IFNG: variants seen among roughly 807,000 people sequenced by gnomAD.
The protein encoded by IFNG is IFN-gamma.
A neutral mutation model predicts 14.4 loss-of-function variants in IFNG; 8 were observed. The ratio of observed to expected loss-of-function variants is 0.56; its 90% CI spans 0.33 to 1.00. The LOEUF (loss-of-function observed/expected upper bound fraction) is 1.00, where lower values mean the gene tolerates loss of function less well. IFNG is among the 50% of genes least tolerant of loss of function. The pLI, the probability that IFNG is intolerant of heterozygous loss-of-function variation, is 0.03. For missense variants in IFNG, 132 were observed against 194.9 expected, an observed-to-expected ratio of 0.68 and a Z score of 1.92; for synonymous variants, 73 against 65.4, an observed-to-expected ratio of 1.12 and a Z score of -0.56.
Position 68,157,553 on chromosome 12 carries a change from C to G in IFNG, c.366+360G>C, listed in dbSNP as rs121913166. Among the ~76,000 whole-genome samples, 39 of 152,334 alleles carry G rather than the reference C, an allele frequency of 2.6e-4. No individual in the cohort carries two copies. Among genetic ancestry groups the G allele is most frequent in the African/African-American group, 8.9e-4 (37 of 41,584 alleles). On this transcript the variant is annotated intron_variant, in intron 3 of 3. Transcript: ENST00000229135. ...CCACTGCTCTTTCCATTAAGACAGA[C>G]AGCCTCTCATTCAAAGTAAGAGAAT...
chr12:68,156,795 A>G (rs1319860820), intron 3 of IFNG, among the ~76,000 whole-genome samples: 1 of 152,208 alleles, frequency 6.6e-6, no homozygotes, highest in Non-Finnish European at 1.5e-5. Flanking sequence ...CCACTGGATT[A>G]GAAACAAGTG....
chr12:68,158,273 AAG>A lies in IFNG; in HGVS notation c.115-16_115-15del, dbSNP rs2120747148. The A allele has an allele frequency of 3.3e-6, 5 of 1,524,306 alleles. No homozygotes were observed. Among genetic ancestry groups the A allele is most frequent in the Non-Finnish European group, 4.5e-6 (5 of 1,122,234 alleles). 94.4% of individuals were successfully genotyped at this position (1,524,306 alleles called of 1,614,324 possible). On this transcript the variant is annotated splice_polypyrimidine_tract_variant and intron_variant, in intron 1 of 3. Transcript: ENST00000229135. The stretch of plus-strand genomic sequence containing the variant: ...ATGACCTGCATTCTAAAAAAAAAAA[AAG>A]AAAAAATTGGTTTACAATTAGCCCA...
intron 1 of IFNG, among the ~76,000 whole-genome samples, chr12:68,159,002 T>C (rs1334256855): frequency 1.3e-5 from 2 of 152,160 alleles, no homozygotes; most frequent in African/African-American, 4.8e-5. Context: ...GTAATATAGA[T>C]AGAGAAGCAG....
At chr12:68,158,338 C>T (rs1882633969) in intron 1 of IFNG, 79 bp from the exon 2 acceptor site, 1 of 933,898 alleles carries the variant, frequency 1.1e-6, no homozygotes, top group Admixed American at 2.5e-5. Context: ...TTTCATTGAA[C>T]TCAGATGTGA....
intron 3 of IFNG, 56 bp downstream of exon 3, chr12:68,157,857 A>C (rs1331015036): frequency 7.8e-7 from 1 of 1,278,524 alleles, no homozygotes; most frequent in African/African-American, 1.5e-5. Flanking sequence ...CTGGAGAATA[A>C]ATGCTTTGCA....
intron 3 of IFNG, among the ~76,000 whole-genome samples, chr12:68,157,144 C>T (rs1464217976): frequency 2.0e-5 from 3 of 152,116 alleles, no homozygotes; most frequent in Non-Finnish European, 4.4e-5. Flanking sequence ...AAGGAGTTCT[C>T]CAGCTGAGAT....
At chr12:68,158,353 A>G in intron 1 of IFNG, 94 bp from the exon 2 acceptor site, 1 of 808,862 alleles carries the variant, frequency 1.2e-6, no homozygotes, top group South Asian at 1.8e-5. Flanking sequence ...ATGTGACAAT[A>G]TTCACTGATT....
In IFNG at chr12:68,155,422, C is replaced by T. The variant is rs564537019; in HGVS notation, c.432G>A (p.Ser144=). Residue 144 remains serine, a synonymous_variant, in exon 4 of 4, where the codon TCG becomes TCA. Coordinates refer to ENST00000229135, the MANE Select transcript of IFNG (RefSeq NM_000619.3). ...HELIQVMAEL[S]PAAKTGKRKR... ...TTCGCTTCCCTGTTTTAGCTGCTGGCGACAGTTCAGCCATCACTTGGATGA... is the reference window on the plus strand; with the variant it reads ...TTCGCTTCCCTGTTTTAGCTGCTGGTGACAGTTCAGCCATCACTTGGATGA... 114 of 1,612,248 alleles carry T rather than the reference C, an allele frequency of 7.1e-5. 2 individuals are homozygous for T. The highest frequency in any genetic ancestry group is 5.8e-4 in the South Asian group (53 of 90,922).
chr12:68,156,893 A>G, intron 3 of IFNG, among the ~76,000 whole-genome samples: 1 of 152,160 alleles, frequency 6.6e-6, no homozygotes, highest in East Asian at 1.9e-4. Flanking sequence ...AGTGAGAGGC[A>G]GGCCCAGCAA....
Position 68,159,654 on chromosome 12 carries a change from T to A in IFNG, c.-39A>T. Reference sequence around the variant, plus strand: ...ATTAAGCCAAAGAAGTTGAAATCAGTAGTTCTTGTATCAAGCTGATCAGGT... The same window carrying A: ...ATTAAGCCAAAGAAGTTGAAATCAGAAGTTCTTGTATCAAGCTGATCAGGT... On this transcript the variant is annotated 5_prime_UTR_variant, in exon 1 of 4. Coordinates refer to ENST00000229135, the MANE Select transcript of IFNG (RefSeq NM_000619.3). 9.4e-7 allele frequency: 1 copy of A among 1,063,078 alleles called. No homozygotes were observed. The highest frequency in any genetic ancestry group is 1.4e-6 in the Non-Finnish European group (1 of 693,966). 65.9% of individuals were successfully genotyped at this position (1,063,078 alleles called of 1,614,324 possible).
In IFNG at chr12:68,155,258, TG is replaced by T. The variant is rs1248619741; in HGVS notation, c.*94del. Reference sequence around the variant, plus strand: ...TTGCTATTATAAATACTTATTTGATTGATGAGTCTAAAAATATATTCCCCAT... The same window carrying T: ...TTGCTATTATAAATACTTATTTGATTATGAGTCTAAAAATATATTCCCCAT... On this transcript the variant is annotated 3_prime_UTR_variant, in exon 4 of 4. Coordinates refer to ENST00000229135, the MANE Select transcript of IFNG (RefSeq NM_000619.3). The T allele has an allele frequency of 3.7e-6, 3 of 806,750 alleles. No homozygotes were observed. In the East Asian group the frequency reaches 9.0e-5, roughly 24 times the overall value. 50.0% of individuals were successfully genotyped at this position (806,750 alleles called of 1,614,324 possible). A position where few individuals can be genotyped will look rare whatever the true frequency, so the allele number is the denominator to read the frequency against.
At chr12:68,158,742 T>TGA (rs1011149952) in intron 1 of IFNG, among the ~76,000 whole-genome samples, 19 of 151,480 alleles carry the variant, frequency 1.3e-4, no homozygotes, top group Non-Finnish European at 2.7e-4. Context: ...TGTGTGTGTG[T>TGA]GATTTGATTT....
chr12:68,156,265 A>T (rs925080655), intron 3 of IFNG, among the ~76,000 whole-genome samples: 1 of 152,268 alleles, frequency 6.6e-6, no homozygotes, highest in Admixed American at 6.5e-5. Context: ...TGATATATAA[A>T]GTTTAAAATT....
At chr12:68,159,436 G>A (rs1420006082) in intron 1 of IFNG, 66 bp downstream of exon 1, 8 of 749,488 alleles carry the variant, frequency 1.1e-5, no homozygotes, top group Non-Finnish European at 1.9e-5. Context: ...TATCAGAGAT[G>A]CTACAGCAAG....
chr12:68,158,708 T>A (rs1033825766), intron 1 of IFNG, among the ~76,000 whole-genome samples: 1 of 115,808 alleles, frequency 8.6e-6, no homozygotes, highest in African/African-American at 3.2e-5. Flanking sequence ...GTTCCAAACA[T>A]GTGCGAGTGT....
intron 1 of IFNG, 73 bp downstream of exon 1, chr12:68,159,429 C>CA: frequency 1.4e-6 from 1 of 711,922 alleles, no homozygotes; most frequent in Non-Finnish European, 2.5e-6. Flanking sequence ...GACAGCCTAT[C>CA]AGAGATGCTA....
chr12:68,155,523 C>A, intron 3 of IFNG, 36 bp from the exon 4 acceptor site: 2 of 1,561,058 alleles, frequency 1.3e-6, no homozygotes, highest in South Asian at 1.2e-5. Flanking sequence ...TAATTTCAGG[C>A]ATATAAGCCA....
chr12:68,157,399 T>C (rs561927498), intron 3 of IFNG, among the ~76,000 whole-genome samples: 43 of 152,282 alleles, frequency 2.8e-4, no homozygotes, highest in African/African-American at 1.0e-3. Flanking sequence ...AAGAAGGTCA[T>C]CAAACTTATA....
rs1882632603 is a variant in IFNG, at chr12:68,158,274, A to G, written c.115-15T>C. Reference sequence around the variant, plus strand: ...TGACCTGCATTCTAAAAAAAAAAAAAGAAAAAATTGGTTTACAATTAGCCC... The same window carrying G: ...TGACCTGCATTCTAAAAAAAAAAAAGGAAAAAATTGGTTTACAATTAGCCC... On this transcript the variant is annotated splice_polypyrimidine_tract_variant and intron_variant, in intron 1 of 3. Transcript: ENST00000229135. The G allele has an allele frequency of 7.6e-7, 1 of 1,321,902 alleles. No individual in the cohort carries two copies. 81.9% of individuals were successfully genotyped at this position (1,321,902 alleles called of 1,614,324 possible).
Sources: allele counts gnomAD v4.1 joint callset (sites outside exome capture counted in the v4.1 genomes callset), GRCh38; gene constraint gnomAD v4.1.1; transcripts MANE v1.5; gene names NCBI Gene and HGNC (gene_info 2026-07-23, HGNC 2026-07-21).